The following TG variants were observed in gnomAD, a reference collection of about 807,000 sequenced individuals.
TG encodes thyroid hormones.
Under a neutral mutation model 324.7 loss-of-function variants are expected in TG, and 270 were observed. The ratio of observed to expected loss-of-function variants is 0.83; its 90% CI spans 0.75 to 0.92. The LOEUF (loss-of-function observed/expected upper bound fraction) is 0.92. Ranked by LOEUF, TG falls within the 40% of genes least tolerant of loss-of-function variation. The pLI, the probability that TG is intolerant of heterozygous loss-of-function variation, is 0.00. For synonymous variants in TG, 1,401 were observed against 1,327.0 expected, an observed-to-expected ratio of 1.06 and a Z score of -1.21; for missense variants, 3,591 against 3,456.4, an observed-to-expected ratio of 1.04 and a Z score of -0.98.
intron 27 of TG, among the ~76,000 whole-genome samples, chr8:132,953,691 T>C (rs7015805): frequency 0.08 from 12,204 of 152,266 alleles, 532 homozygotes; most frequent in South Asian, 0.15. Flanking sequence ...AGGTTTCTCT[T>C]TCCTGCCATC....
At chr8:132,939,193 G>A (rs1034559623) in intron 25 of TG, among the ~76,000 whole-genome samples, 7 of 152,272 alleles carry the variant, frequency 4.6e-5, no homozygotes, top group South Asian at 4.1e-4. Context: ...GATGGAAACG[G>A]TCTACAAATC....
At chr8:133,098,347 A>G (rs1206704858) in intron 43 of TG, among the ~76,000 whole-genome samples, 1 of 152,228 alleles carries the variant, frequency 6.6e-6, no homozygotes, top group Non-Finnish European at 1.5e-5. Flanking sequence ...AATCAAAAGA[A>G]TGTTAAAGCA....
intron 11 of TG, among the ~76,000 whole-genome samples, chr8:132,896,770 A>G (rs989405292): frequency 1.4e-4 from 22 of 152,116 alleles, no homozygotes; most frequent in Non-Finnish European, 2.6e-4. Flanking sequence ...ACTCCTCTAC[A>G]TGCAAAATAA....
chr8:132,872,306 G>A (rs549989000), intron 4 of TG, among the ~76,000 whole-genome samples: 207 of 151,488 alleles, frequency 1.4e-3, no homozygotes, highest in Non-Finnish European at 2.6e-3. Flanking sequence ...GTGAAACCCC[G>A]TCTCTACTAA....
chr8:132,893,169 G>T (rs575753094), intron 10 of TG, among the ~76,000 whole-genome samples: 3 of 140,616 alleles, frequency 2.1e-5, no homozygotes, highest in East Asian at 4.5e-4. Context: ...GGTGAGTGTG[G>T]TGTGTGTGTG....
At chr8:132,971,675 G>A (rs1829536687) in intron 32 of TG, 119 bp from the exon 33 acceptor site, 2 of 743,544 alleles carry the variant, frequency 2.7e-6, no homozygotes, top group Admixed American at 2.0e-5. Flanking sequence ...CCCAGTTTAA[G>A]TAGGGGGTAA....
chr8:132,892,061 G>C (rs1563917827), intron 10 of TG, among the ~76,000 whole-genome samples: 1 of 152,216 alleles, frequency 6.6e-6, no homozygotes, highest in Non-Finnish European at 1.5e-5. Flanking sequence ...AGATCAGGAG[G>C]CTGAAGCTCG....
intron 45 of TG, among the ~76,000 whole-genome samples, chr8:133,126,365 C>T (rs1235184061): frequency 1.3e-5 from 2 of 152,142 alleles, no homozygotes; most frequent in African/African-American, 4.8e-5. Flanking sequence ...TTGGTAAGCA[C>T]ACAACACAGT....
intron 16 of TG, 28 bp downstream of exon 16, chr8:132,901,581 C>A (rs182439125): frequency 1.2e-6 from 2 of 1,603,166 alleles, no homozygotes. Context: ...GGGGGGACGA[C>A]GAGGCCTGCA....
intron 41 of TG, chr8:133,045,084 C>T (rs773499159): frequency 3.1e-6 from 5 of 1,614,204 alleles, no homozygotes; most frequent in South Asian, 2.2e-5. Context: ...AATGCTTTAC[C>T]TGCCTGTGTC....
chr8:133,051,095 G>A (rs1033367547), intron 41 of TG, among the ~76,000 whole-genome samples: 1 of 152,200 alleles, frequency 6.6e-6, no homozygotes, highest in Non-Finnish European at 1.5e-5. Context: ...CAGGGTGTGC[G>A]TACGAGCCCT....
At chr8:132,995,475 CCCCAAAGGAGGCCT>C in intron 35 of TG, 1 of 985,326 alleles carries the variant, frequency 1.0e-6, no homozygotes, top group Non-Finnish European at 1.2e-6. Flanking sequence ...TTGTTCAGCA[CCCCAAAGGAGGCCT>C]CCATGGTGCT....
In TG at chr8:133,030,002, T is replaced by G. The variant is rs753547841; in HGVS notation, c.7218T>G (p.Leu2406=). The part of the protein sequence containing the change: ...LLTARATNSQ[L]FRRAVLMGGS... Reference sequence around the variant, plus strand: ...CGGCCAGGGCCACCAACTCCCAACTTTTCCGGAGAGCTGTGCTGATGGTAA... The same window carrying G: ...CGGCCAGGGCCACCAACTCCCAACTGTTCCGGAGAGCTGTGCTGATGGTAA... The change falls in exon 41 of 48, where the codon CTT becomes CTG. Residue 2406 remains leucine, a synonymous_variant. Coordinates refer to ENST00000220616, the MANE Select transcript of TG (RefSeq NM_003235.5). The G allele has an allele frequency of 5.6e-6, 9 of 1,614,066 alleles. No individual in the cohort carries two copies. The highest frequency in any genetic ancestry group is 7.6e-6 in the Non-Finnish European group (9 of 1,180,030).
At chr8:133,088,790 CG>C (rs1847020697) in intron 41 of TG, among the ~76,000 whole-genome samples, 1 of 152,036 alleles carries the variant, frequency 6.6e-6, no homozygotes, top group African/African-American at 2.4e-5. Flanking sequence ...GATTTCAAGA[CG>C]AATTGTATTA....
At chr8:133,066,150 C>A (rs151121981) in intron 41 of TG, among the ~76,000 whole-genome samples, 2 of 151,904 alleles carry the variant, frequency 1.3e-5, no homozygotes, top group East Asian at 3.9e-4. Flanking sequence ...GGTGAAACCC[C>A]GTCTCTACTA....
At chr8:133,123,663 G>T (rs539359398) in intron 45 of TG, among the ~76,000 whole-genome samples, 8 of 152,156 alleles carry the variant, frequency 5.3e-5, no homozygotes, top group Non-Finnish European at 1.2e-4. Flanking sequence ...AGCCCCATCT[G>T]TGTCCTCTGC....
chr8:133,111,958 G>T (rs373289480), intron 43 of TG, among the ~76,000 whole-genome samples: 7 of 152,356 alleles, frequency 4.6e-5, no homozygotes, highest in African/African-American at 1.4e-4. Context: ...GTTCAGCCGG[G>T]TGGAGAGTCA....
At chr8:133,121,395 A>G (rs2131803079) in intron 45 of TG, among the ~76,000 whole-genome samples, 1 of 152,298 alleles carries the variant, frequency 6.6e-6, no homozygotes, top group Middle Eastern at 3.4e-3. Flanking sequence ...GCTTTGAGTA[A>G]CATTTCCAGG....
intron 21 of TG, among the ~76,000 whole-genome samples, chr8:132,922,693 G>A (rs1821276990): frequency 1.3e-5 from 2 of 152,206 alleles, no homozygotes; most frequent in Admixed American, 1.3e-4. Context: ...AGATCAAGTT[G>A]TCAGCAGATT....
Sources: allele counts gnomAD v4.1 joint callset (sites outside exome capture counted in the v4.1 genomes callset), GRCh38; gene constraint gnomAD v4.1.1; transcripts MANE v1.5; gene names NCBI Gene and HGNC (gene_info 2026-07-23, HGNC 2026-07-21).